Variants in VPS35 observed in about 807,000 individuals in gnomAD.
VPS35 encodes the protein VPS35 retromer complex component, also known as vacuolar protein sorting-associated protein 35.
Under a neutral mutation model 98.1 loss-of-function variants are expected in VPS35, and 21 were observed. The observed-to-expected ratio is 0.21, with a 90% CI of 0.15 to 0.31. The LOEUF (loss-of-function observed/expected upper bound fraction) is 0.31, where lower values mean the gene tolerates loss of function less well. VPS35 is among the 10% of genes least tolerant of loss of function. The pLI, the probability that VPS35 is intolerant of heterozygous loss-of-function variation, is 1.00. For synonymous variants in VPS35, 268 were observed against 318.2 expected (o/e 0.84, Z 1.68); for missense variants, 554 against 950.8 (o/e 0.58, Z 5.49).
chr16:46,684,663 T>G lies in VPS35; in HGVS notation c.4-1057A>C, dbSNP rs1050766793. Among the ~76,000 whole-genome samples the G allele has an allele frequency of 2.6e-5, 4 of 152,210 alleles. No homozygotes were observed. The East Asian group carries it at 7.7e-4, about 29-fold the overall frequency. ...TCCACCACAGCATGTATCACATTAT[T>G]ATTATAAATGACGGTCATTTTTACA... On this transcript the variant is annotated intron_variant, in intron 1 of 16. Coordinates refer to ENST00000299138, the MANE Select transcript of VPS35 (RefSeq NM_018206.6).
At chr16:46,669,374 T>G (rs1180562398) in intron 12 of VPS35, among the ~76,000 whole-genome samples, 1 of 152,156 alleles carries the variant, frequency 6.6e-6, no homozygotes, top group East Asian at 1.9e-4. Context: ...TGATAAAGAA[T>G]GTAGGCTCTG....
At chr16:46,680,890 A>C (rs1214488619) in intron 4 of VPS35, 37 bp from the exon 5 acceptor site, 1 of 1,582,620 alleles carries the variant, frequency 6.3e-7, no homozygotes, top group Admixed American at 1.7e-5. Flanking sequence ...TTAGAAATAA[A>C]ATATTCAAAT....
rs1171147554 is a variant in VPS35, at chr16:46,657,933, T to A, written c.*2539A>T. 1.3e-5 allele frequency: 2 copies of A among 152,218 alleles called. No homozygotes were observed. Among genetic ancestry groups the A allele is most frequent in the African/African-American group, 4.8e-5 (2 of 41,446 alleles). The allele number at this position is 152,218 out of a possible 1,614,324, so 9.4% of individuals were successfully genotyped here. A position where few individuals can be genotyped will look rare whatever the true frequency, so the allele number is the denominator to read the frequency against. The stretch of plus-strand genomic sequence containing the variant: ...CACACCCCAATTAAGGACAGGTACT[T>A]TTTTGTAAGACACAATAAAAATTAC... On this transcript the variant is annotated 3_prime_UTR_variant, in exon 17 of 17. Coordinates refer to ENST00000299138, the MANE Select transcript of VPS35 (RefSeq NM_018206.6).
chr16:46,678,528 C>G (rs1966186159), intron 6 of VPS35, among the ~76,000 whole-genome samples: 1 of 152,140 alleles, frequency 6.6e-6, no homozygotes, highest in African/African-American at 2.4e-5. Context: ...TGTGTCTATC[C>G]TTTTCACCAA....
At position 46,659,661 on chromosome 16, in the gene VPS35, A is replaced by G. The variant is rs1203466780; in HGVS notation, c.*811T>C. 6.6e-6 allele frequency: 1 copy of G among 152,144 alleles called. No homozygotes were observed. Among genetic ancestry groups the G allele is most frequent in the Non-Finnish European group, 1.5e-5 (1 of 68,012 alleles). 9.4% of individuals were successfully genotyped at this position (152,144 alleles called of 1,614,324 possible). A position where few individuals can be genotyped will look rare whatever the true frequency, so the allele number is the denominator to read the frequency against. Reference sequence around the variant, plus strand: ...TCAATTAAAGATAGTATGAAAGGGGAAAAAAAGCTCCAAAATTGTTAATAG... The same window carrying G: ...TCAATTAAAGATAGTATGAAAGGGGGAAAAAAGCTCCAAAATTGTTAATAG... On this transcript the variant is annotated 3_prime_UTR_variant, in exon 17 of 17. Coordinates refer to ENST00000299138, the MANE Select transcript of VPS35 (RefSeq NM_018206.6).
intron 1 of VPS35, chr16:46,688,406 G>T (rs967297535): frequency 2.0e-6 from 2 of 986,966 alleles, no homozygotes; most frequent in African/African-American, 3.5e-5. Flanking sequence ...GTCATAGACG[G>T]GCCCTAAGGA....
At chr16:46,685,709 G>C (rs1966299789) in intron 1 of VPS35, among the ~76,000 whole-genome samples, 1 of 152,120 alleles carries the variant, frequency 6.6e-6, no homozygotes, top group Admixed American at 6.5e-5. Flanking sequence ...CTGAACTTTA[G>C]TGAAACCAGG....
At chr16:46,668,844 AT>A (rs1389743392) in intron 13 of VPS35, 85 bp downstream of exon 13, 1 of 1,560,734 alleles carries the variant, frequency 6.4e-7, no homozygotes. Flanking sequence ...TACGTTTGAA[AT>A]TTTTTATAAT....
At chr16:46,662,183 A>G (rs1437370397) in intron 15 of VPS35, 60 bp downstream of exon 15, 1 of 1,612,974 alleles carries the variant, frequency 6.2e-7, no homozygotes, top group Non-Finnish European at 8.5e-7. Flanking sequence ...ACACAAGGCC[A>G]TGACAACTGA....
chr16:46,670,969 A>AT (rs1966059265), intron 12 of VPS35, among the ~76,000 whole-genome samples: 1 of 152,112 alleles, frequency 6.6e-6, no homozygotes, highest in Non-Finnish European at 1.5e-5. Context: ...CCCAAACAAT[A>AT]ATTAAGCAGC....
chr16:46,663,196 A>T, intron 13 of VPS35, 34 bp from the exon 14 acceptor site: 1 of 1,582,846 alleles, frequency 6.3e-7, no homozygotes, highest in Non-Finnish European at 8.6e-7. Flanking sequence ...AGTTACCTTA[A>T]ATTCAAAATT....
At chr16:46,677,829 G>A (rs1966174260) in intron 6 of VPS35, 1 of 188,558 alleles carries the variant, frequency 5.3e-6, no homozygotes. Flanking sequence ...GCTTGTGCTT[G>A]TATATCCTCA....
chr16:46,671,968 T>A lies in VPS35; in HGVS notation c.1369-108A>T, dbSNP rs772703701. The A allele has an allele frequency of 1.9e-4, 277 of 1,475,080 alleles. 2 individuals are homozygous for A. The highest frequency in any genetic ancestry group is 5.9e-5 in the Non-Finnish European group (64 of 1,078,610). The allele number at this position is 1,475,080 out of a possible 1,614,324, so 91.4% of individuals were successfully genotyped here. A position where few individuals can be genotyped will look rare whatever the true frequency, so the allele number is the denominator to read the frequency against. On this transcript the variant is annotated intron_variant, in intron 11 of 16. Coordinates refer to ENST00000299138, the MANE Select transcript of VPS35 (RefSeq NM_018206.6). ...AAATTACAATACAGTATCAACAAGA[T>A]ATTCCTTTTTTTGGTGAGAAAGTCG... is the stretch of plus-strand genomic sequence containing the variant.
chr16:46,685,168 T>C (rs1330157110), intron 1 of VPS35, among the ~76,000 whole-genome samples: 1 of 152,238 alleles, frequency 6.6e-6, no homozygotes, highest in East Asian at 1.9e-4. Context: ...TTTTTTGTTA[T>C]GTCATTTCAC....
intron 1 of VPS35, 53 bp downstream of exon 1, chr16:46,689,078 G>A: frequency 6.3e-7 from 1 of 1,595,484 alleles, no homozygotes; most frequent in Non-Finnish European, 8.5e-7. Context: ...GTGGGAGAGA[G>A]CAGGGGCTAC....
intron 8 of VPS35, among the ~76,000 whole-genome samples, chr16:46,674,939 A>T (rs1286518018): frequency 6.6e-6 from 1 of 151,756 alleles, no homozygotes; most frequent in Non-Finnish European, 1.5e-5. Flanking sequence ...GGCTAACAGC[A>T]TGTGCCACCA....
intron 5 of VPS35, among the ~76,000 whole-genome samples, 181 bp from the exon 6 acceptor site, chr16:46,679,337 A>G (rs1447363762): frequency 1.3e-5 from 2 of 152,222 alleles, no homozygotes; most frequent in Non-Finnish European, 2.9e-5. Flanking sequence ...AAAAAGTACC[A>G]TGGAGAGGAC....
chr16:46,688,349 AG>A, intron 1 of VPS35: 1 of 987,110 alleles, frequency 1.0e-6, no homozygotes, highest in African/African-American at 1.7e-5. Flanking sequence ...TCACATTTTG[AG>A]GAAGTTCAAG....
At chr16:46,676,731 C>T (rs199882439) in intron 7 of VPS35, 39 bp from the exon 8 acceptor site, 15 of 1,424,444 alleles carry the variant, frequency 1.1e-5, no homozygotes, top group Non-Finnish European at 1.3e-5. Flanking sequence ...AAGTATTTCA[C>T]GTAATATTCT....
Sources: gnomAD v4.1 joint callset for allele counts (sites outside exome capture counted in the v4.1 genomes callset) on GRCh38, gnomAD v4.1.1 for gene constraint, MANE v1.5 for transcripts, NCBI Gene and HGNC (gene_info 2026-07-23, HGNC 2026-07-21) for gene names.